Variants in SLC9A9 observed in about 807,000 individuals in gnomAD.
The protein encoded by SLC9A9 is sodium/hydrogen exchanger 9.
SLC9A9 carries 62 observed loss-of-function variants against 77.8 expected under a neutral mutation model. The observed-to-expected ratio is 0.80, with a 90% CI of 0.65 to 0.98. The LOEUF (loss-of-function observed/expected upper bound fraction) is 0.98. Ranked by LOEUF, SLC9A9 falls within the 50% of genes least tolerant of loss-of-function variation. The pLI, the probability that SLC9A9 is intolerant of heterozygous loss-of-function variation, is 0.00. For missense variants in SLC9A9, 775 were observed against 774.9 expected, an observed-to-expected ratio of 1.00 and a Z score of 0.00; for synonymous variants, 320 against 283.5, an observed-to-expected ratio of 1.13 and a Z score of -1.29.
At chr3:143,843,055 AAAAATCATCAAGATTAAGAAACTT>A (rs1456056941) in intron 1 of SLC9A9, among the ~76,000 whole-genome samples, 69 of 149,334 alleles carry the variant, frequency 4.6e-4, no homozygotes, top group Middle Eastern at 3.4e-3. Context: ...CTACTGAAAA[AAAAATCATCAAGATTAAGAAACTT>A]AAATCTCCAG....
intron 2 of SLC9A9, among the ~76,000 whole-genome samples, chr3:143,827,358 G>A (rs184045026): frequency 1.2e-3 from 187 of 152,238 alleles, no homozygotes; most frequent in Admixed American, 1.8e-3. Flanking sequence ...TGAGTTCATC[G>A]TCTGCTCATA....
At chr3:143,763,402 A>G (rs1031973053) in intron 4 of SLC9A9, among the ~76,000 whole-genome samples, 3 of 152,160 alleles carry the variant, frequency 2.0e-5, no homozygotes, top group Admixed American at 6.6e-5. Flanking sequence ...GAATCCAATC[A>G]TCTGAGTTAA....
intron 4 of SLC9A9, among the ~76,000 whole-genome samples, chr3:143,723,144 T>C (rs1271793905): frequency 6.6e-6 from 1 of 152,132 alleles, no homozygotes; most frequent in African/African-American, 2.4e-5. Context: ...ATAAATCTGC[T>C]CTGAGTTTCA....
chr3:143,363,545 T>C lies in SLC9A9; in HGVS notation c.1543A>G (p.Lys515Glu). ...SQHQEANNLD[K>E]NMTKAESARL... ...GCACTCTCTGCTTTCGTCATGTTTT[T>C]ATCCAAGTTATTTGCTTCCTGGGGA... Residue 515 changes from lysine (K) to glutamate (E), a missense_variant, in exon 14 of 16, where the codon AAA becomes GAA. Lys to Glu is a moderately conservative substitution (Grantham distance 56). Coordinates refer to ENST00000316549, the MANE Select transcript of SLC9A9 (RefSeq NM_173653.4). 1 of 1,612,936 alleles carries C rather than the reference T, an allele frequency of 6.2e-7. No individual in the cohort carries two copies. Among genetic ancestry groups the C allele is most frequent in the Non-Finnish European group, 8.5e-7 (1 of 1,179,198 alleles).
intron 4 of SLC9A9, among the ~76,000 whole-genome samples, chr3:143,732,925 T>C (rs1934844489): frequency 6.6e-6 from 1 of 152,184 alleles, no homozygotes; most frequent in South Asian, 2.1e-4. Flanking sequence ...GCCAAGTGAC[T>C]CTAACCAGTA....
intron 7 of SLC9A9, 75 bp from the exon 8 acceptor site, chr3:143,574,268 G>A: frequency 1.7e-6 from 2 of 1,191,800 alleles, no homozygotes; most frequent in Non-Finnish European, 2.5e-6. Flanking sequence ...AATAAAAACT[G>A]ATCTGGTGAT....
intron 12 of SLC9A9, among the ~76,000 whole-genome samples, chr3:143,446,960 G>A (rs1485769700): frequency 6.6e-6 from 1 of 152,050 alleles, no homozygotes; most frequent in Non-Finnish European, 1.5e-5. Context: ...TTAGAAGAGG[G>A]TTATATGTGT....
chr3:143,558,105 T>A (rs2037019065), intron 8 of SLC9A9, among the ~76,000 whole-genome samples: 2 of 152,088 alleles, frequency 1.3e-5, no homozygotes, highest in African/African-American at 4.8e-5. Context: ...CCCAACTGCT[T>A]TAGCTCCAGC....
At chr3:143,334,267 G>A (rs763973245) in intron 14 of SLC9A9, among the ~76,000 whole-genome samples, 5 of 152,214 alleles carry the variant, frequency 3.3e-5, no homozygotes, top group African/African-American at 4.8e-5. Flanking sequence ...TAGGTGCTCA[G>A]TCATGGCCAG....
At chr3:143,684,310 G>T (rs1397193504) in intron 5 of SLC9A9, among the ~76,000 whole-genome samples, 1 of 151,914 alleles carries the variant, frequency 6.6e-6, no homozygotes, top group Admixed American at 6.6e-5. Context: ...TTAAGCACTT[G>T]TGTATTTTGC....
Position 143,266,930 on chromosome 3 carries a change from C to G in SLC9A9, c.1711-1G>C. On this transcript the variant is annotated splice_acceptor_variant, in intron 15 of 15. Coordinates refer to ENST00000316549, the MANE Select transcript of SLC9A9 (RefSeq NM_173653.4). LOFTEE classifies it high-confidence loss of function. ...CCACATCATCCTCTTTTAGCTGTTCCTGGTTGGGAAAAGAGAGAGAGGTGT... is the reference window on the plus strand; with the variant it reads ...CCACATCATCCTCTTTTAGCTGTTCGTGGTTGGGAAAAGAGAGAGAGGTGT... 1 of 1,613,826 alleles carries G rather than the reference C, an allele frequency of 6.2e-7. No individual in the cohort carries two copies. Among genetic ancestry groups the G allele is most frequent in the South Asian group, 1.1e-5 (1 of 91,056 alleles).
At chr3:143,289,678 CCATCCATCTATT>C (rs1024267748) in intron 14 of SLC9A9, among the ~76,000 whole-genome samples, 3 of 152,210 alleles carry the variant, frequency 2.0e-5, no homozygotes, top group African/African-American at 7.2e-5. Flanking sequence ...ACCCATCTGT[CCATCCATCTATT>C]CATCCATCTA....
chr3:143,268,803 G>T (rs1455118896), intron 15 of SLC9A9, 72 bp downstream of exon 15: 10 of 1,197,418 alleles, frequency 8.4e-6, no homozygotes, highest in East Asian at 2.5e-5. Context: ...GAGGTTCCTG[G>T]GCTCATCGAT....
chr3:143,651,031 C>T (rs1430282807), intron 6 of SLC9A9, among the ~76,000 whole-genome samples: 1 of 152,152 alleles, frequency 6.6e-6, no homozygotes, highest in African/African-American at 2.4e-5. Flanking sequence ...TTTGCTTGGC[C>T]TTTTCCAACT....
intron 14 of SLC9A9, among the ~76,000 whole-genome samples, chr3:143,318,343 G>C (rs1184142481): frequency 6.6e-6 from 1 of 152,112 alleles, no homozygotes; most frequent in Non-Finnish European, 1.5e-5. Flanking sequence ...AAATAAAATA[G>C]ATAAGCAAGT....
At position 143,795,609 on chromosome 3, in the gene SLC9A9, G is replaced by A. The variant is rs551839382; in HGVS notation, c.457-532C>T. Among the ~76,000 whole-genome samples, 7 of 152,306 alleles carry A rather than the reference G, an allele frequency of 4.6e-5. No homozygotes were observed. In the East Asian group the frequency reaches 1.2e-3, roughly 25 times the overall value. On this transcript the variant is annotated intron_variant, in intron 3 of 15. Transcript: ENST00000316549. ...ACAGCCTGGTGGGTGGCTCACGCCT[G>A]TAATTCCAGCAATTTGGGAGGCTGA...
At chr3:143,745,623 G>A (rs1935183063) in intron 4 of SLC9A9, among the ~76,000 whole-genome samples, 1 of 152,094 alleles carries the variant, frequency 6.6e-6, no homozygotes, top group East Asian at 1.9e-4. Flanking sequence ...GGGCCGCTGT[G>A]TATTTTTTGG....
chr3:143,837,397 A>G (rs2009593341), intron 1 of SLC9A9, among the ~76,000 whole-genome samples: 1 of 152,232 alleles, frequency 6.6e-6, no homozygotes, highest in African/African-American at 2.4e-5. Flanking sequence ...TGTAGTTACC[A>G]CATGAAGATT....
chr3:143,395,613 T>G (rs1477711233), intron 12 of SLC9A9, among the ~76,000 whole-genome samples: 1 of 152,228 alleles, frequency 6.6e-6, no homozygotes, highest in Admixed American at 6.5e-5. Flanking sequence ...CTAATTAAAT[T>G]AAAGAGCTTC....
Sources: gnomAD v4.1 joint callset for allele counts (sites outside exome capture counted in the v4.1 genomes callset) on GRCh38, gnomAD v4.1.1 for gene constraint, MANE v1.5 for transcripts, NCBI Gene and HGNC (gene_info 2026-07-23, HGNC 2026-07-21) for gene names.